OPCML: variants seen among roughly 807,000 people sequenced by gnomAD.
OPCML encodes the protein opioid-binding protein/cell adhesion molecule.
In OPCML, 13 loss-of-function variants were observed where a neutral mutation model predicts 37.8. The observed-to-expected ratio is 0.34, with a 90% CI of 0.22 to 0.55. The LOEUF (loss-of-function observed/expected upper bound fraction) is 0.55. Ranked by LOEUF, OPCML falls within the 20% of genes least tolerant of loss-of-function variation. The pLI, the probability that OPCML is intolerant of heterozygous loss-of-function variation, is 0.91. For missense variants in OPCML, 341 were observed against 435.6 expected (o/e 0.78, Z 1.93); for synonymous variants, 176 against 168.8 (o/e 1.04, Z -0.33).
chr11:133,209,155 G>A (rs1412991277), intron 1 of OPCML, among the ~76,000 whole-genome samples: 2 of 152,034 alleles, frequency 1.3e-5, no homozygotes, highest in Non-Finnish European at 2.9e-5. Flanking sequence ...AATAATTATT[G>A]GTGTAATTAT....
At chr11:133,413,790 G>C (rs771494967) in intron 1 of OPCML, among the ~76,000 whole-genome samples, 1 of 152,198 alleles carries the variant, frequency 6.6e-6, no homozygotes, top group Non-Finnish European at 1.5e-5. Flanking sequence ...ACCGACAAGA[G>C]TGATTGTGGC....
chr11:132,918,469 C>T (rs7930577), intron 2 of OPCML, among the ~76,000 whole-genome samples: 35,717 of 152,114 alleles, frequency 0.23, 7,240 homozygotes, highest in African/African-American at 0.54. Flanking sequence ...TTCTTGAGCT[C>T]CATAAAATTG....
intron 1 of OPCML, among the ~76,000 whole-genome samples, chr11:133,220,825 G>A (rs767708187): frequency 5.9e-5 from 9 of 151,944 alleles, no homozygotes; most frequent in East Asian, 3.9e-4. Flanking sequence ...ACAGCCCCCC[G>A]ATCTATAGCC....
chr11:133,518,530 A>T (rs1474253600), intron 1 of OPCML, among the ~76,000 whole-genome samples: 1 of 151,532 alleles, frequency 6.6e-6, no homozygotes, highest in Non-Finnish European at 1.5e-5. Flanking sequence ...AGTGTGTGTG[A>T]GTGTGTGCAT....
chr11:132,862,792 A>C (rs186082254), intron 2 of OPCML, among the ~76,000 whole-genome samples: 2 of 152,308 alleles, frequency 1.3e-5, no homozygotes, highest in Admixed American at 6.5e-5. Context: ...CTGGCAGCTA[A>C]ACTCTTCTCT....
In OPCML at chr11:132,875,807, G is replaced by A. The variant is rs192500435; in HGVS notation, c.146+67119C>T. 6.0e-3 allele frequency among the ~76,000 whole-genome samples: 909 copies of A among 152,144 alleles called. 11 individuals carry two copies. Among genetic ancestry groups the A allele is most frequent in the African/African-American group, 0.021 (858 of 41,550 alleles). On this transcript the variant is annotated intron_variant, in intron 2 of 7. Transcript: ENST00000524381. ...GAAGGTCTCCTTTCCAGCAGAGGCCGTGCTGGGTGGTGCCTTTTATCAAGA... is the reference window on the plus strand; with the variant it reads ...GAAGGTCTCCTTTCCAGCAGAGGCCATGCTGGGTGGTGCCTTTTATCAAGA...
intron 1 of OPCML, among the ~76,000 whole-genome samples, chr11:133,051,626 T>C (rs1023805123): frequency 6.6e-6 from 1 of 152,164 alleles, no homozygotes; most frequent in Non-Finnish European, 1.5e-5. Context: ...TGATGACCAT[T>C]GGGAAAGAAG....
chr11:133,512,590 C>A (rs547718952), intron 1 of OPCML, among the ~76,000 whole-genome samples: 80 of 152,316 alleles, frequency 5.3e-4, no homozygotes, highest in African/African-American at 1.8e-3. Context: ...CTCAGGGGAA[C>A]AACTGGAAGT....
Position 132,419,990 on chromosome 11 carries a change from A to T in OPCML, c.*203T>A, listed in dbSNP as rs1436941273. On this transcript the variant is annotated 3_prime_UTR_variant, in exon 8 of 8. Transcript: ENST00000524381. ...TGAATGATTATCCTACACGTGGTAG[A>T]ACCCTGCCCACCCCGCCCCCAACCC... 7.5e-6 allele frequency: 4 copies of T among 532,196 alleles called. No homozygotes were observed. The highest frequency in any genetic ancestry group is 1.3e-5 in the Non-Finnish European group (4 of 296,948). 33.0% of individuals were successfully genotyped at this position (532,196 alleles called of 1,614,324 possible).
At chr11:133,203,450 C>A (rs1938890607) in intron 1 of OPCML, among the ~76,000 whole-genome samples, 1 of 152,168 alleles carries the variant, frequency 6.6e-6, no homozygotes, top group Non-Finnish European at 1.5e-5. Flanking sequence ...TCAGGTGAAG[C>A]CATGGGAGAT....
At chr11:133,443,407 C>T (rs1946404239) in intron 1 of OPCML, among the ~76,000 whole-genome samples, 1 of 152,196 alleles carries the variant, frequency 6.6e-6, no homozygotes, top group African/African-American at 2.4e-5. Flanking sequence ...CAAGCTGCCT[C>T]CTTAACACAA....
intron 2 of OPCML, among the ~76,000 whole-genome samples, chr11:132,797,198 T>C (rs757718700): frequency 6.6e-6 from 1 of 152,200 alleles, no homozygotes; most frequent in Non-Finnish European, 1.5e-5. Flanking sequence ...CTCAGGAAGA[T>C]TTACTTCTGT....
chr11:132,865,421 GAACA>G, intron 2 of OPCML, among the ~76,000 whole-genome samples: 1 of 152,144 alleles, frequency 6.6e-6, no homozygotes, highest in Non-Finnish European at 1.5e-5. Flanking sequence ...TACTACAACT[GAACA>G]AATAGGAGAA....
At chr11:133,010,260 C>G (rs1022782455) in intron 1 of OPCML, among the ~76,000 whole-genome samples, 1 of 152,110 alleles carries the variant, frequency 6.6e-6, no homozygotes, top group Non-Finnish European at 1.5e-5. Context: ...AAGAGGGCTG[C>G]CAGGGATCAG....
At chr11:132,570,804 T>TATATAGAGAGAGAGAGAGAGAGAGAG in intron 3 of OPCML, among the ~76,000 whole-genome samples, 1 of 90,760 alleles carries the variant, frequency 1.1e-5, no homozygotes, top group African/African-American at 5.0e-5. Context: ...TATATATATT[T>TATATAGAGAGAGAGAGAGAGAGAGAG]AGAGAGAGAG....
At chr11:132,551,308 C>T (rs962978299) in intron 3 of OPCML, among the ~76,000 whole-genome samples, 8 of 152,324 alleles carry the variant, frequency 5.3e-5, no homozygotes, top group African/African-American at 1.4e-4. Context: ...ACCTAAGCAA[C>T]TCCATCTGGC....
Position 133,282,473 on chromosome 11 carries a change from A to G in OPCML, c.61+249791T>C, listed in dbSNP as rs183570459. On this transcript the variant is annotated intron_variant, in intron 1 of 7. Coordinates refer to ENST00000524381, the MANE Select transcript of OPCML (RefSeq NM_001012393.5). Reference sequence around the variant, plus strand: ...CTGGCAGCTTCCTCCAAGATTTCAGAGGATGTATGGGAAAGCCTGGGTGCC... The same window carrying G: ...CTGGCAGCTTCCTCCAAGATTTCAGGGGATGTATGGGAAAGCCTGGGTGCC... Among the ~76,000 whole-genome samples, 440 of 152,328 alleles carry G rather than the reference A, an allele frequency of 2.9e-3. 1 individual carries two copies. Among genetic ancestry groups the G allele is most frequent in the African/African-American group, 0.01 (425 of 41,576 alleles).
chr11:132,486,817 A>G (rs2137048432), intron 4 of OPCML, among the ~76,000 whole-genome samples: 1 of 152,266 alleles, frequency 6.6e-6, no homozygotes, highest in South Asian at 2.1e-4. Context: ...TCAGTTTAGC[A>G]AAGCTTAACC....
intron 1 of OPCML, among the ~76,000 whole-genome samples, chr11:133,430,565 T>A (rs12416722): frequency 0.12 from 18,616 of 152,234 alleles, 1,243 homozygotes; most frequent in East Asian, 0.14. Flanking sequence ...CACGTACAAT[T>A]CATTGGATTG....
Sources: allele counts gnomAD v4.1 joint callset (sites outside exome capture counted in the v4.1 genomes callset), GRCh38; gene constraint gnomAD v4.1.1; transcripts MANE v1.5; gene names NCBI Gene and HGNC (gene_info 2026-07-23, HGNC 2026-07-21).